Variants in NRDC observed in about 807,000 individuals in gnomAD.
NRDC encodes nardilysin.
In NRDC, 54 loss-of-function variants were observed where a neutral mutation model predicts 147.1. The ratio of observed to expected loss-of-function variants is 0.37; its 90% CI spans 0.29 to 0.46. The LOEUF (loss-of-function observed/expected upper bound fraction) is 0.46. Ranked by LOEUF, NRDC falls within the 20% of genes least tolerant of loss-of-function variation. The pLI is 1.00. For missense variants in NRDC, 1,082 were observed against 1,370.6 expected, an observed-to-expected ratio of 0.79 and a Z score of 3.33; for synonymous variants, 440 against 482.1, an observed-to-expected ratio of 0.91 and a Z score of 1.14.
chr1:51,829,777 C>T (rs1187593322), intron 4 of NRDC, among the ~76,000 whole-genome samples: 2 of 151,864 alleles, frequency 1.3e-5, no homozygotes, highest in Non-Finnish European at 2.9e-5. Context: ...GGGTTAATTC[C>T]TTCTGTCTTA....
intron 1 of NRDC, among the ~76,000 whole-genome samples, chr1:51,852,670 T>G (rs536923236): frequency 5.0e-4 from 72 of 143,904 alleles, no homozygotes; most frequent in African/African-American, 1.7e-3. Flanking sequence ...ACTACTGGCT[T>G]AGCAAATTCT....
intron 1 of NRDC, among the ~76,000 whole-genome samples, chr1:51,874,154 A>G (rs1333998591): frequency 1.3e-5 from 2 of 151,536 alleles, no homozygotes; most frequent in African/African-American, 2.4e-5. Flanking sequence ...TTAAAAAAAA[A>G]AAAAAAGAAG....
rs566573730 is a variant in NRDC, at chr1:51,871,153, C to A, written c.341+7122G>T. On this transcript the variant is annotated intron_variant, in intron 1 of 30. Transcript: ENST00000352171. Reference sequence around the variant, plus strand: ...CCAAGATGATGAAATCCCCTCTCTACTAAAAATACAAAAATAAGCTGGGCA... The same window carrying A: ...CCAAGATGATGAAATCCCCTCTCTAATAAAAATACAAAAATAAGCTGGGCA... 9.9e-5 allele frequency among the ~76,000 whole-genome samples: 15 copies of A among 152,212 alleles called. No homozygotes were observed. The East Asian group carries it at 2.9e-3, about 29-fold the overall frequency.
intron 4 of NRDC, among the ~76,000 whole-genome samples, chr1:51,833,435 T>A: frequency 2.8e-5 from 4 of 142,480 alleles, no homozygotes; most frequent in Non-Finnish European, 3.0e-5. Context: ...CAAGACCATA[T>A]CTCTTAAAAA....
intron 20 of NRDC, among the ~76,000 whole-genome samples, chr1:51,801,857 G>A (rs949393031): frequency 1.4e-4 from 22 of 151,816 alleles, no homozygotes; most frequent in African/African-American, 5.3e-4. Context: ...GCGCGATCTC[G>A]GCTCACTTCA....
At chr1:51,792,221 G>T in intron 25 of NRDC, 123 bp from the exon 26 acceptor site, 2 of 1,393,396 alleles carry the variant, frequency 1.4e-6, no homozygotes, top group Non-Finnish European at 2.0e-6. Context: ...TTCCTAATTG[G>T]CCCAGGCTTA....
Position 51,789,589 on chromosome 1 carries a change from T to G in NRDC, c.3237A>C (p.Gly1079=). ...TCACATGAACGCTGAGCATTTTACT[T>G]CCTGGCCCTCTATGGGCCTTGAACC... The part of the protein sequence containing the change: ...VNWFKAHRGP[G]SKMLSVHVVG... Residue 1079 remains glycine (G), a synonymous_variant, in exon 30 of 31, where the codon GGA becomes GGC. Transcript: ENST00000352171. 6.2e-7 allele frequency: 1 copy of G among 1,613,868 alleles called. No individual in the cohort carries two copies. The highest frequency in any genetic ancestry group is 8.5e-7 in the Non-Finnish European group (1 of 1,179,712).
chr1:51,871,358 A>G (rs537473030), intron 1 of NRDC, among the ~76,000 whole-genome samples: 1 of 151,692 alleles, frequency 6.6e-6, no homozygotes, highest in South Asian at 2.1e-4. Flanking sequence ...TTAACTCACT[A>G]CAACCTGGTT....
chr1:51,854,684 G>A (rs1252557235), intron 1 of NRDC, among the ~76,000 whole-genome samples: 1 of 152,226 alleles, frequency 6.6e-6, no homozygotes, highest in Admixed American at 6.5e-5. Context: ...AACTCTTTGG[G>A]AGGCCAAGGT....
chr1:51,814,033 A>T lies in NRDC; in HGVS notation c.1674+2T>A. The T allele has an allele frequency of 1.3e-6, 2 of 1,592,102 alleles. No individual in the cohort carries two copies. The highest frequency in any genetic ancestry group is 1.7e-6 in the Non-Finnish European group (2 of 1,161,108). On this transcript the variant is annotated splice_donor_variant, in intron 14 of 30. Coordinates refer to ENST00000352171, the MANE Select transcript of NRDC (RefSeq NM_001101662.2). LOFTEE classifies it high-confidence loss of function. Reference sequence around the variant, plus strand: ...ATGCAAAAAGAATTTGACTTCCAGTACCTGTTCTTGGTAATGAAATTCATT... The same window carrying T: ...ATGCAAAAAGAATTTGACTTCCAGTTCCTGTTCTTGGTAATGAAATTCATT...
intron 16 of NRDC, among the ~76,000 whole-genome samples, chr1:51,809,902 T>C (rs576511391): frequency 1.1e-4 from 17 of 147,896 alleles, no homozygotes; most frequent in Admixed American, 8.7e-4. Flanking sequence ...CAAAACTCTG[T>C]CTCAAAAAAA....
intron 24 of NRDC, 111 bp from the exon 25 acceptor site, chr1:51,792,535 C>T: frequency 1.1e-6 from 1 of 888,138 alleles, no homozygotes; most frequent in Admixed American, 1.9e-5. Flanking sequence ...TCGCTCTCCC[C>T]CAAGAGAGTT....
At chr1:51,873,324 C>T (rs1683169367) in intron 1 of NRDC, among the ~76,000 whole-genome samples, 1 of 152,130 alleles carries the variant, frequency 6.6e-6, no homozygotes, top group Non-Finnish European at 1.5e-5. Context: ...AGGAAGCCAA[C>T]AAATGTTAGT....
chr1:51,826,427 A>T (rs560110806), intron 5 of NRDC, among the ~76,000 whole-genome samples: 17 of 152,216 alleles, frequency 1.1e-4, no homozygotes, highest in Non-Finnish European at 2.2e-4. Context: ...TAGAGACCAT[A>T]TTTGGAAAGG....
chr1:51,837,527 C>T (rs1007683384), intron 2 of NRDC: 4 of 1,590,542 alleles, frequency 2.5e-6, no homozygotes, highest in East Asian at 4.5e-5. Context: ...TTTCTTGTCT[C>T]GACCAGCAGG....
rs375338077 is a variant in NRDC, at chr1:51,812,088, A to G, written c.1685T>C (p.Val562Ala). The G allele has an allele frequency of 6.2e-7, 1 of 1,612,358 alleles. No individual in the cohort carries two copies. Among genetic ancestry groups the G allele is most frequent in the Non-Finnish European group, 8.5e-7 (1 of 1,178,528 alleles). The change falls in exon 15 of 31, where the codon GTT becomes GCT. Residue 562 changes from valine (V) to alanine (A), a missense_variant. Physicochemically the swap from Val to Ala is moderately conservative, Grantham distance 64. Transcript: ENST00000352171. ...CTCACACATGTTTTCCACATACTCA[A>G]CTGGATCTGTCTGTAAAGAGGTAAA... ...EFHYQEQTDP[V>A]EYVENMCENM... is the part of the protein sequence containing the mutation.
chr1:51,875,959 T>C (rs1683305777), intron 1 of NRDC, among the ~76,000 whole-genome samples: 1 of 152,194 alleles, frequency 6.6e-6, no homozygotes, highest in Non-Finnish European at 1.5e-5. Context: ...TAACATGTTA[T>C]TTATTACATT....
intron 5 of NRDC, among the ~76,000 whole-genome samples, chr1:51,827,418 T>C (rs1680494919): frequency 6.6e-6 from 1 of 152,226 alleles, no homozygotes; most frequent in Non-Finnish European, 1.5e-5. Context: ...GCAGGGATAA[T>C]ATACAATGGT....
At chr1:51,832,797 G>T (rs1417367) in intron 4 of NRDC, among the ~76,000 whole-genome samples, 7,037 of 152,102 alleles carry the variant, frequency 0.046, 413 homozygotes, top group African/African-American at 0.13. Context: ...CAATTTCACT[G>T]CTTAGAACTT....
Sources: allele counts gnomAD v4.1 joint callset (sites outside exome capture counted in the v4.1 genomes callset), GRCh38; gene constraint gnomAD v4.1.1; transcripts MANE v1.5; gene names NCBI Gene and HGNC (gene_info 2026-07-23, HGNC 2026-07-21).